The following ABI3BP variants were observed in gnomAD, a reference collection of about 807,000 sequenced individuals.
ABI3BP encodes the protein target of Nesh-SH3.
ABI3BP carries 216 observed loss-of-function variants against 268.6 expected under a neutral mutation model. The ratio of observed to expected loss-of-function variants is 0.80; its 90% CI spans 0.72 to 0.90. The LOEUF (loss-of-function observed/expected upper bound fraction) is 0.90. Among genes scored for constraint, ABI3BP ranks in the 40% least tolerant of loss-of-function variants. ABI3BP has a pLI of 0.00. For synonymous variants in ABI3BP, 730 were observed against 730.0 expected (o/e 1.00, Z 0.00); for missense variants, 2,090 against 2,182.4 (o/e 0.96, Z 0.84).
chr3:100,830,544 G>T, intron 32 of ABI3BP, 34 bp downstream of exon 32: 1 of 1,519,270 alleles, frequency 6.6e-7, no homozygotes, highest in East Asian at 2.5e-5. Flanking sequence ...ATGAGCAGGA[G>T]AGGCAGATGT....
intron 4 of ABI3BP, among the ~76,000 whole-genome samples, chr3:100,895,916 A>T (rs1360099853): frequency 1.3e-5 from 2 of 152,068 alleles, no homozygotes; most frequent in Non-Finnish European, 2.9e-5. Context: ...CGGGGCTATT[A>T]TTTTTTTCCT....
intron 63 of ABI3BP, among the ~76,000 whole-genome samples, chr3:100,764,696 T>G (rs1464153778): frequency 6.6e-6 from 1 of 152,188 alleles, no homozygotes; most frequent in Admixed American, 6.5e-5. Flanking sequence ...TATTAAAAAG[T>G]CCAAATTAAG....
chr3:100,922,598 G>A (rs1444004392), intron 2 of ABI3BP, among the ~76,000 whole-genome samples: 1 of 151,536 alleles, frequency 6.6e-6, no homozygotes, highest in Non-Finnish European at 1.5e-5. Flanking sequence ...GTGATGTGAC[G>A]TGACGTGATG....
intron 57 of ABI3BP, among the ~76,000 whole-genome samples, chr3:100,781,109 C>T (rs2096852608): frequency 6.6e-6 from 1 of 152,062 alleles, no homozygotes. Flanking sequence ...CTGTAATTTA[C>T]ATATTAAGAA....
intron 33 of ABI3BP, among the ~76,000 whole-genome samples, chr3:100,829,295 C>T (rs911694287): frequency 6.6e-6 from 1 of 152,162 alleles, no homozygotes; most frequent in African/African-American, 2.4e-5. Context: ...CTATAGTTAA[C>T]AAGAAATAAT....
chr3:100,775,277 A>C lies in ABI3BP; in HGVS notation c.4392T>G (p.Thr1464=), dbSNP rs1302356908. The C allele has an allele frequency of 6.2e-7, 1 of 1,610,392 alleles. No individual in the cohort carries two copies. The highest frequency in any genetic ancestry group is 1.3e-5 in the African/African-American group (1 of 75,012). The stretch of plus-strand genomic sequence containing the variant: ...TCTCTATTCTCTCCAAGGGAGTTCC[A>C]GTAGGCCTGGGTGTTGACCTCAGGG... ...TPPLRSTPRP[T]GTPLERIETD... is the part of the protein sequence containing the mutation. The change falls in exon 60 of 68, where the codon ACT becomes ACG. Residue 1464 remains threonine, a synonymous_variant. Transcript: ENST00000471714.
At chr3:100,843,114 TATA>T (rs2098725327) in intron 20 of ABI3BP, among the ~76,000 whole-genome samples, 1 of 152,026 alleles carries the variant, frequency 6.6e-6, no homozygotes, top group South Asian at 2.1e-4. Flanking sequence ...AATGGAAAAA[TATA>T]ATAACGCAGG....
At chr3:100,781,090 A>G (rs2096851919) in intron 57 of ABI3BP, among the ~76,000 whole-genome samples, 1 of 152,228 alleles carries the variant, frequency 6.6e-6, no homozygotes, top group Non-Finnish European at 1.5e-5. Context: ...TACTACTTTG[A>G]GGACCTGACT....
chr3:100,891,758 T>A (rs1385633915), intron 4 of ABI3BP, among the ~76,000 whole-genome samples: 5 of 152,224 alleles, frequency 3.3e-5, no homozygotes, highest in Non-Finnish European at 5.9e-5. Context: ...CCCACTTGCA[T>A]ATTCACTTAT....
intron 59 of ABI3BP, among the ~76,000 whole-genome samples, chr3:100,776,466 G>C (rs1042407575): frequency 2.0e-5 from 3 of 152,220 alleles, no homozygotes; most frequent in African/African-American, 7.2e-5. Context: ...TGAGGAGAGT[G>C]GGACTCAGAA....
At chr3:100,908,719 C>T (rs2054744445) in intron 2 of ABI3BP, among the ~76,000 whole-genome samples, 1 of 152,136 alleles carries the variant, frequency 6.6e-6, no homozygotes, top group Non-Finnish European at 1.5e-5. Flanking sequence ...AGGACCTCTT[C>T]AAGGAGAACT....
intron 20 of ABI3BP, chr3:100,843,650 A>T (rs751794382): frequency 4.5e-5 from 44 of 984,344 alleles, no homozygotes; most frequent in Non-Finnish European, 5.3e-5. Flanking sequence ...AGAAAGAGAA[A>T]GGGAATTGTA....
chr3:100,819,773 A>G (rs1255994249), intron 40 of ABI3BP, among the ~76,000 whole-genome samples: 3 of 151,886 alleles, frequency 2.0e-5, no homozygotes, highest in Non-Finnish European at 4.4e-5. Flanking sequence ...AACATGGTGA[A>G]ACCCGTCTCT....
At chr3:100,908,835 A>T (rs2054824534) in intron 2 of ABI3BP, among the ~76,000 whole-genome samples, 1 of 152,230 alleles carries the variant, frequency 6.6e-6, no homozygotes, top group African/African-American at 2.4e-5. Flanking sequence ...ATACTGCTCA[A>T]AGTAATTTAT....
chr3:100,991,908 C>T (rs1288675756), intron 1 of ABI3BP, among the ~76,000 whole-genome samples: 1 of 152,066 alleles, frequency 6.6e-6, no homozygotes, highest in Admixed American at 6.5e-5. Flanking sequence ...TATATCATCC[C>T]TATGCAATGA....
intron 63 of ABI3BP, among the ~76,000 whole-genome samples, chr3:100,758,132 C>T (rs1231527074): frequency 1.3e-5 from 2 of 151,938 alleles, no homozygotes; most frequent in African/African-American, 4.8e-5. Flanking sequence ...ATCTTCCCCG[C>T]GCATCCCCAT....
chr3:100,808,329 G>A (rs2097767887), intron 49 of ABI3BP, 94 bp from the exon 50 acceptor site: 9 of 879,632 alleles, frequency 1.0e-5, no homozygotes, highest in Non-Finnish European at 1.4e-5. Context: ...CTGAGTGATT[G>A]AAGACCTAAA....
intron 44 of ABI3BP, among the ~76,000 whole-genome samples, chr3:100,815,350 A>C (rs996638786): frequency 1.4e-4 from 22 of 152,168 alleles, no homozygotes; most frequent in African/African-American, 5.3e-4. Context: ...TAAATATTGA[A>C]CATGCATAGA....
chr3:100,782,596 T>C (rs188046440), intron 57 of ABI3BP, among the ~76,000 whole-genome samples: 3 of 152,228 alleles, frequency 2.0e-5, no homozygotes, highest in South Asian at 4.2e-4. Flanking sequence ...GACTGAGCTC[T>C]TATTCTGGAC....
Sources: gnomAD v4.1 joint callset for allele counts (sites outside exome capture counted in the v4.1 genomes callset) on GRCh38, gnomAD v4.1.1 for gene constraint, MANE v1.5 for transcripts, NCBI Gene and HGNC (gene_info 2026-07-23, HGNC 2026-07-21) for gene names.